DNHD1: variants seen among roughly 807,000 people sequenced by gnomAD.
The protein encoded by DNHD1 is dynein heavy chain domain 1.
DNHD1 carries 383 observed loss-of-function variants against 458.1 expected under a neutral mutation model. The observed-to-expected ratio is 0.84, with a 90% CI of 0.77 to 0.91. The LOEUF is 0.91. Ranked by LOEUF, DNHD1 falls within the 40% of genes least tolerant of loss-of-function variation. DNHD1 has a pLI of 0.00. For synonymous variants in DNHD1, 2,203 were observed against 2,376.9 expected (o/e 0.93, Z 2.13); for missense variants, 5,336 against 5,866.1 (o/e 0.91, Z 2.95).
At chr11:6,555,545 G>T (rs1366180325) in intron 24 of DNHD1, among the ~76,000 whole-genome samples, 1 of 152,178 alleles carries the variant, frequency 6.6e-6, no homozygotes, top group African/African-American at 2.4e-5. Flanking sequence ...TTAGGGCAGG[G>T]TTGTTGGCTG....
In DNHD1 at chr11:6,500,887, T is replaced by G. The variant is rs536913947; in HGVS notation, c.747-1866T>G. Reference sequence around the variant, plus strand: ...AAGTTGATAACAAGTAAAATATAATTACAAATTGTAATAAGTGCTATAAAA... The same window carrying G: ...AAGTTGATAACAAGTAAAATATAATGACAAATTGTAATAAGTGCTATAAAA... On this transcript the variant is annotated intron_variant, in intron 3 of 42. Coordinates refer to ENST00000254579, the MANE Select transcript of DNHD1 (RefSeq NM_144666.3). Among the ~76,000 whole-genome samples, 6 of 152,262 alleles carry G rather than the reference T, an allele frequency of 3.9e-5. No individual in the cohort carries two copies. The South Asian group carries it at 1.2e-3, about 32-fold the overall frequency.
intron 3 of DNHD1, among the ~76,000 whole-genome samples, chr11:6,500,359 G>A (rs777864803): frequency 1.3e-5 from 2 of 152,130 alleles, no homozygotes; most frequent in Non-Finnish European, 2.9e-5. Context: ...TTTACTGTTC[G>A]GGAAGAAGGC....
Position 6,563,098 on chromosome 11 carries a change from C to A in DNHD1, c.9636C>A (p.Ala3212=). The A allele has an allele frequency of 6.4e-7, 1 of 1,551,582 alleles. No individual in the cohort carries two copies. The highest frequency in any genetic ancestry group is 1.2e-5 in the South Asian group (1 of 84,046). Residue 3212 remains alanine (A), a synonymous_variant, in exon 29 of 43, where the codon GCC becomes GCA. Transcript: ENST00000254579. ...LIENLARQRD[A]LQAQREAFLE... ...AGAACCTGGCCAGGCAACGGGATGC[C>A]CTGCAAGCTCAGCGAGAGGCTTTCC...
intron 10 of DNHD1, among the ~76,000 whole-genome samples, chr11:6,527,099 A>T (rs959985520): frequency 5.9e-5 from 9 of 152,130 alleles, no homozygotes; most frequent in Admixed American, 5.9e-4. Flanking sequence ...TGGTTTTATT[A>T]TCTAATTGTT....
Position 6,509,102 on chromosome 11 carries a change from G to A in DNHD1, c.1124+19G>A. On this transcript the variant is annotated intron_variant, in intron 5 of 42. Coordinates refer to ENST00000254579, the MANE Select transcript of DNHD1 (RefSeq NM_144666.3). The stretch of plus-strand genomic sequence containing the variant: ...TTACCTGGTAGGTAATGACGGATAT[G>A]TGATTTGGGGGGAAATGGATGACAG... 6.2e-7 allele frequency: 1 copy of A among 1,614,146 alleles called. No individual in the cohort carries two copies. The highest frequency in any genetic ancestry group is 8.5e-7 in the Non-Finnish European group (1 of 1,180,004).
intron 3 of DNHD1, 102 bp from the exon 4 acceptor site, chr11:6,502,651 C>G: frequency 8.9e-7 from 1 of 1,124,902 alleles, no homozygotes; most frequent in Non-Finnish European, 1.2e-6. Context: ...CCTCAGGCAC[C>G]TGATCTAGTC....
At chr11:6,553,324 A>C (rs996793844) in intron 24 of DNHD1, among the ~76,000 whole-genome samples, 2 of 152,206 alleles carry the variant, frequency 1.3e-5, no homozygotes, top group Non-Finnish European at 2.9e-5. Context: ...CTCCCAGGAA[A>C]CTAGGAATAG....
chr11:6,518,921 T>C (rs1852546238), intron 7 of DNHD1, among the ~76,000 whole-genome samples: 1 of 152,068 alleles, frequency 6.6e-6, no homozygotes, highest in Admixed American at 6.5e-5. Context: ...CTAGGGAGCA[T>C]CAAAAGGAAC....
At chr11:6,526,444 C>A (rs938420950) in intron 10 of DNHD1, among the ~76,000 whole-genome samples, 2 of 151,898 alleles carry the variant, frequency 1.3e-5, no homozygotes, top group African/African-American at 4.8e-5. Flanking sequence ...CTATGCCTCG[C>A]TTTGTTTTTT....
Position 6,519,855 on chromosome 11 carries a change from G to A in DNHD1, c.1647+1G>A. The A allele has an allele frequency of 6.2e-7, 1 of 1,612,668 alleles. No homozygotes were observed. The highest frequency in any genetic ancestry group is 1.6e-4 in the Middle Eastern group (1 of 6,062). On this transcript the variant is annotated splice_donor_variant, in intron 8 of 42. Coordinates refer to ENST00000254579, the MANE Select transcript of DNHD1 (RefSeq NM_144666.3). LOFTEE classifies it high-confidence loss of function. ...CTCTTTTGTGGCCAACATCCTTCAA[G>A]TGAGGTGGTGGGTGGCATGTGTGGA...
chr11:6,519,378 C>T (rs961708687), intron 7 of DNHD1, among the ~76,000 whole-genome samples: 16 of 152,210 alleles, frequency 1.1e-4, no homozygotes, highest in Non-Finnish European at 2.2e-4. Flanking sequence ...ACCACATTAG[C>T]ACACTGTGAC....
At position 6,566,968 on chromosome 11, in the gene DNHD1, T is replaced by G; in HGVS notation, c.11459T>G (p.Val3820Gly). ...QKPAKFLRNI[V>G]RAQGKLCQLR... ...CCAGCCAAGTTTCTGCGGAACATAGTGAGGGCCCAAGGAAAGCTATGCCAG... is the reference window on the plus strand; with the variant it reads ...CCAGCCAAGTTTCTGCGGAACATAGGGAGGGCCCAAGGAAAGCTATGCCAG... The change falls in exon 36 of 43, where the codon GTG (valine) becomes GGG (glycine). Residue 3820 changes from valine to glycine, a missense_variant. By Grantham distance (109) the Val-to-Gly change is moderately radical. Coordinates refer to ENST00000254579, the MANE Select transcript of DNHD1 (RefSeq NM_144666.3). 3 of 1,613,914 alleles carry G rather than the reference T, an allele frequency of 1.9e-6. No individual in the cohort carries two copies. The highest frequency in any genetic ancestry group is 2.5e-6 in the Non-Finnish European group (3 of 1,179,866).
At position 6,566,918 on chromosome 11, in the gene DNHD1, G is replaced by A. The variant is rs774700589; in HGVS notation, c.11409G>A (p.Leu3803=). The change falls in exon 36 of 43, where the codon CTG becomes CTA. Residue 3803 remains leucine, a synonymous_variant. Coordinates refer to ENST00000254579, the MANE Select transcript of DNHD1 (RefSeq NM_144666.3). ...AGGAGCGGCTGCTGACGATGCTGCTGTTCCAGAATCCGAAGCGTCAGAAGC... is the reference window on the plus strand; with the variant it reads ...AGGAGCGGCTGCTGACGATGCTGCTATTCCAGAATCCGAAGCGTCAGAAGC... ...AAEERLLTML[L]FQNPKRQKPA... 6.2e-7 allele frequency: 1 copy of A among 1,613,238 alleles called. No homozygotes were observed. The highest frequency in any genetic ancestry group is 2.2e-5 in the East Asian group (1 of 44,864).
intron 10 of DNHD1, chr11:6,520,515 A>T: frequency 2.1e-6 from 3 of 1,397,794 alleles, no homozygotes; most frequent in Non-Finnish European, 2.8e-6. Flanking sequence ...GTGCAATGAG[A>T]GGGTGTATGA....
chr11:6,528,602 T>C lies in DNHD1; in HGVS notation c.1918T>C (p.Phe640Leu). ...CCAGCCCAGCGATGCTGTGAGCATC[T>C]TCTGTGGCCCGAATGTGGGATTGGT... The part of the protein sequence containing the change: ...QGQPSDAVSI[F>L]CGPNVGLVWP... The change falls in exon 11 of 43, where the codon TTC becomes CTC. Residue 640 changes from phenylalanine to leucine, a missense_variant. Phe to Leu is a conservative substitution (Grantham distance 22). Coordinates refer to ENST00000254579, the MANE Select transcript of DNHD1 (RefSeq NM_144666.3). The C allele has an allele frequency of 6.4e-7, 1 of 1,551,732 alleles. No homozygotes were observed. The highest frequency in any genetic ancestry group is 1.4e-5 in the African/African-American group (1 of 73,176).
intron 12 of DNHD1, among the ~76,000 whole-genome samples, chr11:6,529,934 C>G (rs969112048): frequency 6.6e-6 from 1 of 152,200 alleles, no homozygotes; most frequent in Non-Finnish European, 1.5e-5. Flanking sequence ...CATCCAGTCT[C>G]TGTCTTAGGC....
chr11:6,507,889 GTT>G (rs1194226690), intron 4 of DNHD1, among the ~76,000 whole-genome samples: 1 of 152,152 alleles, frequency 6.6e-6, no homozygotes, highest in Non-Finnish European at 1.5e-5. Flanking sequence ...ACAAAACAAG[GTT>G]TTTGTATGAC....
chr11:6,558,274 C>G lies in DNHD1; in HGVS notation c.8979C>G (p.Ile2993Met), dbSNP rs1278686750. 3 of 1,551,408 alleles carry G rather than the reference C, an allele frequency of 1.9e-6. No individual in the cohort carries two copies. The highest frequency in any genetic ancestry group is 3.9e-5 in the Admixed American group (2 of 51,008). Residue 2993 changes from isoleucine (I) to methionine (M), a missense_variant, in exon 25 of 43, where the codon ATC (isoleucine) becomes ATG (methionine). This residue lies in a region of DNHD1 where 3,932 missense variants were observed against 4,365.6 expected (regional missense o/e 0.90). Coordinates refer to ENST00000254579, the MANE Select transcript of DNHD1 (RefSeq NM_144666.3). ...PRENLGVKQNIKKEMVLQRFH... is the reference protein window; with the variant it reads ...PRENLGVKQNMKKEMVLQRFH... ...AGAACCTTGGTGTCAAACAGAACAT[C>G]AAGAAGGAAATGGTGTTGCAGAGGT...
At chr11:6,570,586 C>T in intron 41 of DNHD1, 32 bp from the exon 42 acceptor site, 1 of 1,552,926 alleles carries the variant, frequency 6.4e-7, no homozygotes, top group East Asian at 2.3e-5. Context: ...GAGAGTCCAT[C>T]TTGTCCCTCA....
Sources: gnomAD v4.1 joint callset for allele counts (sites outside exome capture counted in the v4.1 genomes callset) on GRCh38, gnomAD v4.1.1 for gene constraint, gnomAD v4.1.1 regional missense constraint, MANE v1.5 for transcripts, NCBI Gene and HGNC (gene_info 2026-07-23, HGNC 2026-07-21) for gene names.